The following ADAMTSL3 variants were observed in gnomAD, a reference collection of about 807,000 sequenced individuals.
The protein encoded by ADAMTSL3 is ADAMTS like 3.
ADAMTSL3 carries 128 observed loss-of-function variants against 201.7 expected under a neutral mutation model. The observed-to-expected ratio is 0.63, with a 90% CI of 0.55 to 0.73. ADAMTSL3 has a LOEUF of 0.73. ADAMTSL3 is among the 30% of genes least tolerant of loss of function. The probability of loss-of-function intolerance (pLI) is 0.00; values close to 1 mark genes in which losing one functional copy is unlikely to be tolerated. For synonymous variants in ADAMTSL3, 738 were observed against 748.4 expected, an observed-to-expected ratio of 0.99 and a Z score of 0.23; for missense variants, 1,990 against 2,119.6, an observed-to-expected ratio of 0.94 and a Z score of 1.20.
intron 6 of ADAMTSL3, among the ~76,000 whole-genome samples, chr15:83,829,079 T>G (rs1180394331): frequency 6.6e-6 from 1 of 152,208 alleles, no homozygotes; most frequent in African/African-American, 2.4e-5. Context: ...TTCTATTGAT[T>G]GGAATAGTTT....
chr15:83,655,835 G>A lies in ADAMTSL3; in HGVS notation c.69+5G>A, dbSNP rs781229793. The A allele has an allele frequency of 4.5e-5, 73 of 1,613,358 alleles. No individual in the cohort carries two copies. The Admixed American group carries it at 9.2e-4, about 20-fold the overall frequency. On this transcript the variant is annotated splice_donor_5th_base_variant and intron_variant, in intron 2 of 29. Transcript: ENST00000286744. ...ATGCACTCTCCCCTCCCGCAGGTAAGGTCATATAGGGAGGGGAAGGGAAAT... is the reference window on the plus strand; with the variant it reads ...ATGCACTCTCCCCTCCCGCAGGTAAAGTCATATAGGGAGGGGAAGGGAAAT...
chr15:83,864,276 A>G (rs1029506279), intron 8 of ADAMTSL3, among the ~76,000 whole-genome samples: 15 of 152,320 alleles, frequency 9.8e-5, no homozygotes, highest in African/African-American at 3.6e-4. Context: ...GGCCAGCATC[A>G]TCCTGATACC....
At chr15:83,901,830 G>A (rs1375625302) in intron 15 of ADAMTSL3, among the ~76,000 whole-genome samples, 1 of 94,978 alleles carries the variant, frequency 1.1e-5, no homozygotes, top group Non-Finnish European at 1.9e-5. Flanking sequence ...AAGGGTTTGA[G>A]GCACTTGAGA....
intron 3 of ADAMTSL3, among the ~76,000 whole-genome samples, chr15:83,771,413 A>G (rs1355548021): frequency 6.6e-6 from 1 of 152,142 alleles, no homozygotes; most frequent in Non-Finnish European, 1.5e-5. Context: ...CATGGTTGAA[A>G]CTTTATACCC....
At chr15:83,773,476 C>G in intron 3 of ADAMTSL3, 47 bp from the exon 4 acceptor site, 1 of 1,598,854 alleles carries the variant, frequency 6.3e-7, no homozygotes, top group Non-Finnish European at 8.5e-7. Context: ...TTTGCCTATA[C>G]TTTATTGTGT....
intron 10 of ADAMTSL3, among the ~76,000 whole-genome samples, chr15:83,886,514 G>C (rs1047553374): frequency 2.2e-4 from 34 of 152,156 alleles, no homozygotes; most frequent in African/African-American, 8.2e-4. Context: ...TCTGGTGCCA[G>C]GTCTGCTTGA....
intron 4 of ADAMTSL3, among the ~76,000 whole-genome samples, chr15:83,795,260 GCAGCAACAA>G (rs764746950): frequency 8.6e-5 from 8 of 92,882 alleles, no homozygotes; most frequent in East Asian, 4.9e-4. Context: ...AACAACAGCA[GCAGCAACAA>G]CAACAACAAC....
At chr15:83,746,285 G>T (rs929924568) in intron 3 of ADAMTSL3, among the ~76,000 whole-genome samples, 1 of 150,638 alleles carries the variant, frequency 6.6e-6, no homozygotes, top group Non-Finnish European at 1.5e-5. Flanking sequence ...GAGTGGCCAT[G>T]TGAACCAGTT....
intron 6 of ADAMTSL3, among the ~76,000 whole-genome samples, chr15:83,831,554 A>G (rs1467967488): frequency 2.0e-5 from 3 of 152,176 alleles, no homozygotes; most frequent in African/African-American, 4.8e-5. Context: ...AACTTTTGAG[A>G]CAAAGTCTCT....
chr15:83,724,354 T>A (rs2062142750), intron 3 of ADAMTSL3, among the ~76,000 whole-genome samples: 1 of 152,092 alleles, frequency 6.6e-6, no homozygotes, highest in African/African-American at 2.4e-5. Context: ...TGCCTCAGCC[T>A]TCCAAAGTGC....
chr15:83,672,362 C>T (rs1207087269), intron 2 of ADAMTSL3, among the ~76,000 whole-genome samples: 1 of 152,136 alleles, frequency 6.6e-6, no homozygotes, highest in Non-Finnish European at 1.5e-5. Flanking sequence ...AGATAGGACT[C>T]AAAGTGTGTT....
chr15:83,881,695 A>G (rs576504305), intron 9 of ADAMTSL3, among the ~76,000 whole-genome samples: 2 of 151,992 alleles, frequency 1.3e-5, no homozygotes, highest in Non-Finnish European at 2.9e-5. Context: ...TCTCTACTAA[A>G]AATACAAAAA....
At chr15:83,994,593 T>G (rs1421924132) in intron 23 of ADAMTSL3, among the ~76,000 whole-genome samples, 6 of 91,416 alleles carry the variant, frequency 6.6e-5, no homozygotes, top group African/African-American at 9.7e-5. Context: ...TTCGTTTTTT[T>G]TTTTTTTTTT....
At position 83,988,608 on chromosome 15, in the gene ADAMTSL3, A is replaced by G; in HGVS notation, c.3717-83A>G. 4.8e-6 allele frequency: 6 copies of G among 1,247,602 alleles called. No individual in the cohort carries two copies. The South Asian group carries it at 1.2e-4, about 26-fold the overall frequency. 77.3% of individuals were successfully genotyped at this position (1,247,602 alleles called of 1,614,324 possible). A position where few individuals can be genotyped will look rare whatever the true frequency, so the allele number is the denominator to read the frequency against. On this transcript the variant is annotated intron_variant, in intron 21 of 29. Transcript: ENST00000286744. ...GCCAGCCCAAAGCCTGTAATGGTGCAGTCTTCTTTCTCTGCAACTCACTGT... is the reference window on the plus strand; with the variant it reads ...GCCAGCCCAAAGCCTGTAATGGTGCGGTCTTCTTTCTCTGCAACTCACTGT...
At position 83,702,304 on chromosome 15, in the gene ADAMTSL3, A is replaced by G. The variant is rs1392299195; in HGVS notation, c.70-2085A>G. On this transcript the variant is annotated intron_variant, in intron 2 of 29. Coordinates refer to ENST00000286744, the MANE Select transcript of ADAMTSL3 (RefSeq NM_207517.3). ...AGAAAATTTGCAGCCTGACTATGCA[A>G]TAGAAAAGAAAAACCCATTTTCTGG... Among the ~76,000 whole-genome samples, 4 of 152,244 alleles carry G rather than the reference A, an allele frequency of 2.6e-5. No individual in the cohort carries two copies. The East Asian group carries it at 7.7e-4, about 29-fold the overall frequency.
At chr15:83,848,169 C>T (rs2141730473) in intron 7 of ADAMTSL3, among the ~76,000 whole-genome samples, 1 of 150,864 alleles carries the variant, frequency 6.6e-6, no homozygotes, top group African/African-American at 2.5e-5. Context: ...TAAAAAAACA[C>T]ACACCAAAAA....
intron 17 of ADAMTSL3, among the ~76,000 whole-genome samples, chr15:83,931,463 T>C (rs9652564): frequency 0.026 from 3,969 of 152,302 alleles, 160 homozygotes; most frequent in African/African-American, 0.087. Context: ...TAAGCTGAAT[T>C]GTTTTAATCA....
At chr15:83,675,586 C>CTTT (rs77339448) in intron 2 of ADAMTSL3, among the ~76,000 whole-genome samples, 1 of 126,058 alleles carries the variant, frequency 7.9e-6, no homozygotes, top group Non-Finnish European at 1.7e-5. Context: ...GTGCTGTTTT[C>CTTT]TTTTTTTTTT....
chr15:83,707,229 G>A (rs1255881185), intron 3 of ADAMTSL3, among the ~76,000 whole-genome samples: 1 of 152,146 alleles, frequency 6.6e-6, no homozygotes, highest in Non-Finnish European at 1.5e-5. Flanking sequence ...TCTATGAAAT[G>A]GAGATTTGGA....
Sources: allele counts gnomAD v4.1 joint callset (sites outside exome capture counted in the v4.1 genomes callset), GRCh38; gene constraint gnomAD v4.1.1; transcripts MANE v1.5; gene names NCBI Gene and HGNC (gene_info 2026-07-23, HGNC 2026-07-21).